The following TNFSF13B variants were observed in gnomAD, a reference collection of about 807,000 sequenced individuals.
The protein encoded by TNFSF13B is tumor necrosis factor ligand superfamily member 13B.
A neutral mutation model predicts 29.1 loss-of-function variants in TNFSF13B; 8 were observed. The ratio of observed to expected loss-of-function variants is 0.27; its 90% CI spans 0.16 to 0.50. The LOEUF (loss-of-function observed/expected upper bound fraction) is 0.50. TNFSF13B is among the 20% of genes least tolerant of loss of function. The pLI, the probability that TNFSF13B is intolerant of heterozygous loss-of-function variation, is 0.98. For synonymous variants in TNFSF13B, 125 were observed against 130.8 expected (o/e 0.96, Z 0.30); for missense variants, 248 against 334.9 (o/e 0.74, Z 2.03).
At position 108,270,429 on chromosome 13, in the gene TNFSF13B, G is replaced by A. The variant is rs746196943; in HGVS notation, c.424+5G>A. The A allele has an allele frequency of 6.5e-5, 105 of 1,613,722 alleles. 2 individuals are homozygous for A. Among genetic ancestry groups the A allele is most frequent in the Admixed American group, 4.3e-4 (26 of 59,996 alleles). Reference sequence around the variant, plus strand: ...TTCAGGGTCCAGAAGAAACAGGTATGTTTTGGGCACAGACACTTTTAGGAG... The same window carrying A: ...TTCAGGGTCCAGAAGAAACAGGTATATTTTGGGCACAGACACTTTTAGGAG... On this transcript the variant is annotated splice_donor_5th_base_variant and intron_variant, in intron 2 of 5. Transcript: ENST00000375887.
At chr13:108,295,829 G>A (rs1273718076) in intron 3 of TNFSF13B, among the ~76,000 whole-genome samples, 7 of 145,422 alleles carry the variant, frequency 4.8e-5, no homozygotes, top group Non-Finnish European at 1.1e-4. Context: ...TCACTTATTT[G>A]TGAGTTTTCC....
At chr13:108,275,073 A>G (rs1165560249) in intron 2 of TNFSF13B, among the ~76,000 whole-genome samples, 1 of 152,190 alleles carries the variant, frequency 6.6e-6, no homozygotes, top group Non-Finnish European at 1.5e-5. Context: ...TGATTGTAGT[A>G]TAATAAACAG....
At chr13:108,284,446 C>G (rs1032269308) in intron 2 of TNFSF13B, among the ~76,000 whole-genome samples, 2 of 152,188 alleles carry the variant, frequency 1.3e-5, no homozygotes, top group African/African-American at 4.8e-5. Context: ...TAGCCTTTAT[C>G]AGCTGCAGTT....
chr13:108,304,462 G>C (rs965393015), intron 5 of TNFSF13B, among the ~76,000 whole-genome samples: 1 of 152,208 alleles, frequency 6.6e-6, no homozygotes, highest in Non-Finnish European at 1.5e-5. Flanking sequence ...GAGAGGCAGA[G>C]AGCACGGCAG....
intron 3 of TNFSF13B, among the ~76,000 whole-genome samples, chr13:108,293,450 A>G (rs1427334906): frequency 6.6e-6 from 1 of 152,098 alleles, no homozygotes; most frequent in African/African-American, 2.4e-5. Context: ...TGGCTTTTTC[A>G]TTTTGGAGAA....
At chr13:108,291,019 A>G (rs1420839444) in intron 3 of TNFSF13B, among the ~76,000 whole-genome samples, 1 of 151,850 alleles carries the variant, frequency 6.6e-6, no homozygotes, top group Non-Finnish European at 1.5e-5. Context: ...GCTTGAAGAC[A>G]TTAACTTTAA....
At chr13:108,271,957 G>T (rs963021488) in intron 2 of TNFSF13B, among the ~76,000 whole-genome samples, 1 of 152,050 alleles carries the variant, frequency 6.6e-6, no homozygotes, top group Admixed American at 6.6e-5. Context: ...TGGAATATCT[G>T]AGCTAGGGAG....
At chr13:108,273,431 T>C (rs1020089383) in intron 2 of TNFSF13B, among the ~76,000 whole-genome samples, 1 of 152,158 alleles carries the variant, frequency 6.6e-6, no homozygotes, top group Non-Finnish European at 1.5e-5. Flanking sequence ...AGTTAAAAAT[T>C]CTCAAAACAT....
At position 108,280,435 on chromosome 13, in the gene TNFSF13B, C is replaced by T. The variant is rs975857185; in HGVS notation, c.425-6368C>T. ...AGATTTAATTGCTGATTGGGGAATT[C>T]ATTAGTAACTTCATACATTCAACTG... On this transcript the variant is annotated intron_variant, in intron 2 of 5. Coordinates refer to ENST00000375887, the MANE Select transcript of TNFSF13B (RefSeq NM_006573.5). Among the ~76,000 whole-genome samples, 54 of 152,262 alleles carry T rather than the reference C, an allele frequency of 3.5e-4. 1 individual carries two copies. The highest frequency in any genetic ancestry group is 1.3e-3 in the African/African-American group (53 of 41,552).
chr13:108,284,202 A>G (rs898507214), intron 2 of TNFSF13B, among the ~76,000 whole-genome samples: 35 of 152,264 alleles, frequency 2.3e-4, no homozygotes, highest in Admixed American at 9.2e-4. Context: ...GGTGGCGGGC[A>G]CCTGTAGTCC....
chr13:108,302,921 C>A, intron 3 of TNFSF13B: 1 of 891,140 alleles, frequency 1.1e-6, no homozygotes, highest in South Asian at 5.1e-5. Context: ...ATTTTGTCCA[C>A]TCTTTGCTTC....
At chr13:108,285,704 C>G (rs1881108366) in intron 2 of TNFSF13B, among the ~76,000 whole-genome samples, 2 of 152,244 alleles carry the variant, frequency 1.3e-5, no homozygotes, top group South Asian at 4.1e-4. Context: ...ATACAATCAC[C>G]AACTAGTCAC....
Position 108,286,645 on chromosome 13 carries a change from G to A in TNFSF13B, c.425-158G>A, listed in dbSNP as rs1881145347. On this transcript the variant is annotated intron_variant, in intron 2 of 5. Coordinates refer to ENST00000375887, the MANE Select transcript of TNFSF13B (RefSeq NM_006573.5). ...ATATATATCATATATATAAATCAAT[G>A]GGCAAATATAAAGTAACTTTAAGAA... Among the ~76,000 whole-genome samples the A allele has an allele frequency of 2.6e-5, 4 of 151,924 alleles. No homozygotes were observed. In the South Asian group the frequency reaches 8.3e-4, roughly 32 times the overall value.
intron 2 of TNFSF13B, among the ~76,000 whole-genome samples, chr13:108,277,003 G>A (rs754088553): frequency 1.3e-5 from 2 of 152,012 alleles, no homozygotes; most frequent in Admixed American, 1.3e-4. Flanking sequence ...GAAACAGAAG[G>A]TTTCTCTTCA....
At chr13:108,294,728 G>A (rs1881421096) in intron 3 of TNFSF13B, among the ~76,000 whole-genome samples, 1 of 109,714 alleles carries the variant, frequency 9.1e-6, no homozygotes, top group Non-Finnish European at 2.1e-5. Context: ...TAGACATACA[G>A]AACAAGTTAG....
chr13:108,286,879 A>T lies in TNFSF13B; in HGVS notation c.481+20A>T. 6.5e-7 allele frequency: 1 copy of T among 1,533,764 alleles called. No homozygotes were observed. The highest frequency in any genetic ancestry group is 8.8e-7 in the Non-Finnish European group (1 of 1,132,934). ...AAAAAGGTAATAAAATATAGCAAAGACTTGGAACCAAGCCAAATGTCCATC... is the reference window on the plus strand; with the variant it reads ...AAAAAGGTAATAAAATATAGCAAAGTCTTGGAACCAAGCCAAATGTCCATC... On this transcript the variant is annotated intron_variant, in intron 3 of 5. Transcript: ENST00000375887.
chr13:108,271,444 T>TCACACACA (rs59438208), intron 2 of TNFSF13B, among the ~76,000 whole-genome samples: 58 of 143,002 alleles, frequency 4.1e-4, no homozygotes, highest in Non-Finnish European at 6.6e-4. Flanking sequence ...GACCCTTCTA[T>TCACACACA]CACACACACA....
intron 2 of TNFSF13B, among the ~76,000 whole-genome samples, chr13:108,276,404 C>T (rs1212544171): frequency 1.3e-5 from 2 of 152,192 alleles, no homozygotes; most frequent in Non-Finnish European, 2.9e-5. Context: ...AAACGTTGAC[C>T]TTCCAACCAA....
At position 108,289,579 on chromosome 13, in the gene TNFSF13B, AATGTATT is replaced by A. The variant is rs573369241; in HGVS notation, c.481+2723_481+2729del. 4.8e-3 allele frequency among the ~76,000 whole-genome samples: 704 copies of A among 147,694 alleles called. 4 individuals carry two copies. The highest frequency in any genetic ancestry group is 7.1e-3 in the Admixed American group (105 of 14,686). On this transcript the variant is annotated intron_variant, in intron 3 of 5. Transcript: ENST00000375887. The stretch of plus-strand genomic sequence containing the variant: ...TGTAATTATATATTATATAATATAT[AATGTATT>A]ATAATAATTATATATAATAATATAT...
Sources: gnomAD v4.1 joint callset for allele counts (sites outside exome capture counted in the v4.1 genomes callset) on GRCh38, gnomAD v4.1.1 for gene constraint, MANE v1.5 for transcripts, NCBI Gene and HGNC (gene_info 2026-07-23, HGNC 2026-07-21) for gene names.